The following AK5 variants were observed in gnomAD, a reference collection of about 807,000 sequenced individuals.
AK5 encodes the protein adenylate kinase isoenzyme 5.
AK5 carries 27 observed loss-of-function variants against 69.5 expected under a neutral mutation model. The observed-to-expected ratio is 0.39, with a 90% CI of 0.29 to 0.54. The LOEUF (loss-of-function observed/expected upper bound fraction) is 0.54. Among genes scored for constraint, AK5 ranks in the 20% least tolerant of loss-of-function variants. The pLI is 0.71. For synonymous variants in AK5, 260 were observed against 244.4 expected (o/e 1.06, Z -0.60); for missense variants, 531 against 700.4 (o/e 0.76, Z 2.73).
chr1:77,343,903 G>T (rs571897712), intron 6 of AK5, among the ~76,000 whole-genome samples: 23 of 152,208 alleles, frequency 1.5e-4, no homozygotes, highest in African/African-American at 5.3e-4. Context: ...CAATACATAG[G>T]TTATTGAAGA....
chr1:77,531,146 C>T (rs1231161856), intron 12 of AK5, among the ~76,000 whole-genome samples: 3 of 152,086 alleles, frequency 2.0e-5, no homozygotes, highest in Admixed American at 6.5e-5. Flanking sequence ...CGGATGTGTT[C>T]GGAGTTTATT....
chr1:77,392,935 T>G (rs7417056), intron 6 of AK5, among the ~76,000 whole-genome samples: 12,806 of 151,998 alleles, frequency 0.084, 713 homozygotes, highest in South Asian at 0.17. Context: ...ATTTATTTAT[T>G]TAGATTTATA....
intron 6 of AK5, among the ~76,000 whole-genome samples, chr1:77,391,435 A>C (rs1648435335): frequency 9.7e-6 from 1 of 103,058 alleles, no homozygotes; most frequent in Non-Finnish European, 1.8e-5. Context: ...ATATATACAT[A>C]TATACATATA....
At chr1:77,414,289 G>A (rs1650247961) in intron 7 of AK5, among the ~76,000 whole-genome samples, 1 of 152,208 alleles carries the variant, frequency 6.6e-6, no homozygotes, top group Non-Finnish European at 1.5e-5. Context: ...TAAGGGACAG[G>A]ACAAGGGAGA....
chr1:77,526,237 G>A (rs996722107), intron 12 of AK5, among the ~76,000 whole-genome samples: 2 of 152,074 alleles, frequency 1.3e-5, no homozygotes, highest in African/African-American at 4.8e-5. Context: ...GGAAGAGGAA[G>A]GTGTGGTACA....
chr1:77,500,612 G>A lies in AK5; in HGVS notation c.1147+14260G>A, dbSNP rs151260058. Among the ~76,000 whole-genome samples the A allele has an allele frequency of 2.0e-4, 30 of 152,158 alleles. No individual in the cohort carries two copies. The East Asian group carries it at 3.3e-3, about 17-fold the overall frequency. ...TGAGTGAGCAACATGGTGAAACCCC[G>A]TCTCTACTAAAAATATTAAAAAATT... On this transcript the variant is annotated intron_variant, in intron 10 of 13. Transcript: ENST00000354567.
intron 6 of AK5, among the ~76,000 whole-genome samples, chr1:77,407,915 GCATAATGGC>G (rs1649766819): frequency 6.6e-6 from 1 of 152,084 alleles, no homozygotes; most frequent in Non-Finnish European, 1.5e-5. Context: ...AATTCACTTA[GCATAATGGC>G]TTCCAGATGC....
At chr1:77,440,811 A>T (rs557798429) in intron 8 of AK5, among the ~76,000 whole-genome samples, 2 of 151,880 alleles carry the variant, frequency 1.3e-5, no homozygotes, top group South Asian at 4.2e-4. Context: ...GTGCAATGGC[A>T]TGCAATCTCA....
intron 1 of AK5, chr1:77,282,724 G>C: frequency 2.8e-6 from 3 of 1,056,398 alleles, no homozygotes; most frequent in Middle Eastern, 4.4e-4. Flanking sequence ...AGGTCAGGTG[G>C]CTGCACTGTC....
At chr1:77,504,862 A>G (rs975938937) in intron 10 of AK5, among the ~76,000 whole-genome samples, 13 of 152,154 alleles carry the variant, frequency 8.5e-5, no homozygotes, top group Admixed American at 3.9e-4. Flanking sequence ...ACTGCATCCT[A>G]TTCCTTTATT....
intron 5 of AK5, among the ~76,000 whole-genome samples, chr1:77,339,644 CT>C (rs34298832): frequency 0.28 from 34,061 of 122,834 alleles, 4,177 homozygotes; most frequent in East Asian, 0.56. Context: ...TTAGCAATAT[CT>C]TTTTTTTTTT....
intron 8 of AK5, among the ~76,000 whole-genome samples, chr1:77,479,058 C>T (rs1655109894): frequency 1.3e-5 from 2 of 152,022 alleles, no homozygotes; most frequent in African/African-American, 4.8e-5. Context: ...TAATCCAAAT[C>T]TGCAGTTTTC....
chr1:77,434,998 A>C (rs1651871852), intron 8 of AK5, among the ~76,000 whole-genome samples: 1 of 152,240 alleles, frequency 6.6e-6, no homozygotes, highest in African/African-American at 2.4e-5. Context: ...TTGCAGAATC[A>C]AGATATACTG....
intron 6 of AK5, among the ~76,000 whole-genome samples, chr1:77,361,397 A>C (rs576884438): frequency 6.6e-6 from 1 of 152,318 alleles, no homozygotes; most frequent in South Asian, 2.1e-4. Context: ...CCATCTCTAG[A>C]ATGGACAGAG....
intron 8 of AK5, among the ~76,000 whole-genome samples, chr1:77,424,836 G>T (rs1651088084): frequency 6.6e-6 from 1 of 152,106 alleles, no homozygotes; most frequent in Non-Finnish European, 1.5e-5. Context: ...AGAGAGTAAT[G>T]AACAGAAGCA....
At chr1:77,521,189 T>C (rs540270808) in intron 11 of AK5, among the ~76,000 whole-genome samples, 1 of 152,122 alleles carries the variant, frequency 6.6e-6, no homozygotes, top group East Asian at 1.9e-4. Flanking sequence ...GCTGGAGGGC[T>C]GTGGCAGGAT....
chr1:77,369,802 C>A (rs954223895), intron 6 of AK5, among the ~76,000 whole-genome samples: 1 of 152,044 alleles, frequency 6.6e-6, no homozygotes, highest in Non-Finnish European at 1.5e-5. Context: ...TGAGTAGTTT[C>A]AAAAAGTGTT....
At chr1:77,428,865 G>T (rs1307820766) in intron 8 of AK5, among the ~76,000 whole-genome samples, 1 of 150,898 alleles carries the variant, frequency 6.6e-6, no homozygotes, top group Non-Finnish European at 1.5e-5. Flanking sequence ...TTGGTTTTTT[G>T]TCCTTGCGAT....
intron 13 of AK5, among the ~76,000 whole-genome samples, chr1:77,545,016 C>T (rs765432817): frequency 5.9e-5 from 9 of 152,110 alleles, no homozygotes; most frequent in Admixed American, 2.0e-4. Context: ...CATCACAAGG[C>T]GCTGGAAAAT....
Sources: allele counts gnomAD v4.1 joint callset (sites outside exome capture counted in the v4.1 genomes callset), GRCh38; gene constraint gnomAD v4.1.1; transcripts MANE v1.5; gene names NCBI Gene and HGNC (gene_info 2026-07-23, HGNC 2026-07-21).